SH2D4A: variants seen among roughly 807,000 people sequenced by gnomAD.
SH2D4A encodes the protein SH2 domain-containing protein 4A.
In SH2D4A, 70 loss-of-function variants were observed where a neutral mutation model predicts 64.7. The observed-to-expected ratio is 1.08, with a 90% confidence interval of 0.89 to 1.32. The LOEUF (loss-of-function observed/expected upper bound fraction) is 1.32, where lower values mean the gene tolerates loss of function less well. Ranked by LOEUF, SH2D4A falls within the 40% of genes most tolerant of loss-of-function variation. The pLI is 0.00. For synonymous variants in SH2D4A, 268 were observed against 200.7 expected (o/e 1.34, Z -2.83); for missense variants, 706 against 540.1 (o/e 1.31, Z -3.04).
At chr8:19,332,671 G>A in intron 2 of SH2D4A, among the ~76,000 whole-genome samples, 1 of 145,312 alleles carries the variant, frequency 6.9e-6, no homozygotes, top group Middle Eastern at 3.5e-3. Context: ...ACTCCAGCCT[G>A]GGCAACAGTG....
At position 19,334,845 on chromosome 8, in the gene SH2D4A, A is replaced by G. The variant is rs930363002; in HGVS notation, c.501A>G (p.Glu167=). The G allele has an allele frequency of 5.6e-6, 9 of 1,603,618 alleles. No homozygotes were observed. Among genetic ancestry groups the G allele is most frequent in the Middle Eastern group, 1.7e-4 (1 of 5,980 alleles). ...CGAGGCCAGCACCAACCCTGGAAGAAGAGAAAATCCGAGTGAGTCCTTACT... is the reference window on the plus strand; with the variant it reads ...CGAGGCCAGCACCAACCCTGGAAGAGGAGAAAATCCGAGTGAGTCCTTACT... ...QGSRPAPTLE[E]EKIRSLSSSS... The change falls in exon 4 of 10, where the codon GAA becomes GAG. Residue 167 remains glutamate, a synonymous_variant. Coordinates refer to ENST00000265807, the MANE Select transcript of SH2D4A (RefSeq NM_022071.4).
intron 4 of SH2D4A, among the ~76,000 whole-genome samples, chr8:19,347,943 A>C (rs1203525202): frequency 6.6e-6 from 1 of 152,184 alleles, no homozygotes; most frequent in Non-Finnish European, 1.5e-5. Context: ...ACACGTGTGC[A>C]TGCTTTCCAC....
intron 7 of SH2D4A, among the ~76,000 whole-genome samples, chr8:19,364,551 G>C (rs190844747): frequency 6.6e-6 from 1 of 151,944 alleles, no homozygotes; most frequent in African/African-American, 2.4e-5. Flanking sequence ...AGAACTTCCC[G>C]TGTCCCTACC....
intron 4 of SH2D4A, among the ~76,000 whole-genome samples, chr8:19,351,829 G>A (rs1280153512): frequency 6.6e-6 from 1 of 152,020 alleles, no homozygotes; most frequent in Admixed American, 6.6e-5. Flanking sequence ...TGTCGCCCAG[G>A]CTGGAGTGCA....
intron 4 of SH2D4A, among the ~76,000 whole-genome samples, chr8:19,347,971 A>G (rs1016805163): frequency 1.3e-5 from 2 of 152,210 alleles, no homozygotes; most frequent in Non-Finnish European, 2.9e-5. Flanking sequence ...CAAGGCTCTG[A>G]CACCTGTTTT....
rs535882278 is a variant in SH2D4A, at chr8:19,316,092, G to C, written c.-205+2269G>C. Among the ~76,000 whole-genome samples, 7 of 152,234 alleles carry C rather than the reference G, an allele frequency of 4.6e-5. No homozygotes were observed. The South Asian group carries it at 1.5e-3, about 32-fold the overall frequency. On this transcript the variant is annotated intron_variant, in intron 1 of 9. Coordinates refer to ENST00000265807, the MANE Select transcript of SH2D4A (RefSeq NM_022071.4). ...GGTCTGAGAAAGCCTTGGAGCGGGG[G>C]TTAGGGGTTGGGAATTAGAGGGTGA... is the stretch of plus-strand genomic sequence containing the variant.
Position 19,339,698 on chromosome 8 carries a change from G to C in SH2D4A, c.513+4841G>C, listed in dbSNP as rs562798382. Among the ~76,000 whole-genome samples, 17 of 151,826 alleles carry C rather than the reference G, an allele frequency of 1.1e-4. No homozygotes were observed. In the South Asian group the frequency reaches 3.5e-3, roughly 32 times the overall value. On this transcript the variant is annotated intron_variant, in intron 4 of 9. Coordinates refer to ENST00000265807, the MANE Select transcript of SH2D4A (RefSeq NM_022071.4). ...CAATTTTTTATAGTGATGGGATCTC[G>C]CTGTATTGCCCAGGCTGGTCTTAAA...
rs114608309 is a variant in SH2D4A at position 19,338,665 on chromosome 8, G to A, written c.513+3808G>A. On this transcript the variant is annotated intron_variant, in intron 4 of 9. Transcript: ENST00000265807. Reference sequence around the variant, plus strand: ...TAGAAGTTGGAAGAGGCAAGGAATCGGATTCTCTTTAAGTCTATGGAAGTC... The same window carrying A: ...TAGAAGTTGGAAGAGGCAAGGAATCAGATTCTCTTTAAGTCTATGGAAGTC... Among the ~76,000 whole-genome samples the A allele has an allele frequency of 2.9e-3, 449 of 152,262 alleles. 2 individuals are homozygous for A. Among genetic ancestry groups the A allele is most frequent in the African/African-American group, 0.01 (423 of 41,554 alleles).
At chr8:19,365,040 A>C (rs780793238) in intron 7 of SH2D4A, among the ~76,000 whole-genome samples, 37 of 152,210 alleles carry the variant, frequency 2.4e-4, no homozygotes, top group Non-Finnish European at 4.9e-4. Context: ...TTAAAATCAA[A>C]TGTTGATTGA....
At chr8:19,316,950 G>T (rs1237127347) in intron 1 of SH2D4A, among the ~76,000 whole-genome samples, 2 of 152,310 alleles carry the variant, frequency 1.3e-5, no homozygotes. Context: ...TACAAGAAGT[G>T]TTAGCTGTGT....
intron 8 of SH2D4A, among the ~76,000 whole-genome samples, chr8:19,390,825 T>A (rs1331391257): frequency 6.6e-6 from 1 of 152,192 alleles, no homozygotes; most frequent in Non-Finnish European, 1.5e-5. Flanking sequence ...AAGGGGCTTT[T>A]GGAAAGTTTC....
intron 4 of SH2D4A, among the ~76,000 whole-genome samples, chr8:19,346,234 G>T (rs2052610549): frequency 6.6e-6 from 1 of 152,160 alleles, no homozygotes; most frequent in African/African-American, 2.4e-5. Context: ...TATCCCTGGG[G>T]TACCATTGGT....
In SH2D4A at chr8:19,373,651, T is replaced by C; in HGVS notation, c.1039T>C (p.Trp347Arg). ...YQKTSDTIAPWFHGILTLKKA... is the reference protein window; with the variant it reads ...YQKTSDTIAPRFHGILTLKKA... Reference sequence around the variant, plus strand: ...GAAAACCTCAGACACCATAGCCCCCTGGTTCCATGGTGAGTGCAGAGATTT... The same window carrying C: ...GAAAACCTCAGACACCATAGCCCCCCGGTTCCATGGTGAGTGCAGAGATTT... The change falls in exon 8 of 10, where the codon TGG (tryptophan) becomes CGG (arginine). Residue 347 changes from tryptophan to arginine, a missense_variant. Transcript: ENST00000265807. 1 of 1,613,112 alleles carries C rather than the reference T, an allele frequency of 6.2e-7. No homozygotes were observed. The highest frequency in any genetic ancestry group is 2.2e-5 in the East Asian group (1 of 44,806).
At chr8:19,362,630 C>G (rs1275449001) in intron 6 of SH2D4A, among the ~76,000 whole-genome samples, 2 of 152,030 alleles carry the variant, frequency 1.3e-5, no homozygotes, top group African/African-American at 4.8e-5. Context: ...GTCCCAGCTA[C>G]TCAGGAGGCT....
At chr8:19,332,202 C>T (rs1463010520) in intron 2 of SH2D4A, among the ~76,000 whole-genome samples, 2 of 152,176 alleles carry the variant, frequency 1.3e-5, no homozygotes, top group Non-Finnish European at 2.9e-5. Context: ...ATGCCACACC[C>T]TTGAGCAGCT....
At chr8:19,367,753 G>A (rs771247571) in intron 7 of SH2D4A, among the ~76,000 whole-genome samples, 8 of 151,636 alleles carry the variant, frequency 5.3e-5, no homozygotes, top group Non-Finnish European at 8.8e-5. Context: ...ATTTTTCTTC[G>A]GTTGCCTGTG....
At chr8:19,392,106 C>A (rs970884276) in intron 8 of SH2D4A, among the ~76,000 whole-genome samples, 1 of 152,204 alleles carries the variant, frequency 6.6e-6, no homozygotes, top group African/African-American at 2.4e-5. Flanking sequence ...AAATTTGGAA[C>A]ATGAGTCAGA....
intron 2 of SH2D4A, among the ~76,000 whole-genome samples, chr8:19,321,129 C>A (rs1437564708): frequency 6.6e-6 from 1 of 152,170 alleles, no homozygotes; most frequent in East Asian, 1.9e-4. Context: ...GCATATAATG[C>A]CTAACCTTCA....
intron 2 of SH2D4A, among the ~76,000 whole-genome samples, chr8:19,325,399 C>T (rs949408061): frequency 1.3e-5 from 2 of 152,164 alleles, no homozygotes; most frequent in Non-Finnish European, 2.9e-5. Flanking sequence ...TACTTAGAGA[C>T]ATAATTTGCA....
Sources: gnomAD v4.1 joint callset for allele counts (sites outside exome capture counted in the v4.1 genomes callset) on GRCh38, gnomAD v4.1.1 for gene constraint, MANE v1.5 for transcripts, NCBI Gene and HGNC (gene_info 2026-07-23, HGNC 2026-07-21) for gene names.